SPTAN1: variants seen among roughly 807,000 people sequenced by gnomAD.
SPTAN1 encodes spectrin alpha chain, non-erythrocytic 1.
In SPTAN1, 61 loss-of-function variants were observed where a neutral mutation model predicts 331.3. That is an observed-to-expected ratio of 0.18 (90% confidence interval 0.15 to 0.23). The LOEUF is 0.23. Among genes scored for constraint, SPTAN1 ranks in the 10% least tolerant of loss-of-function variants. The probability of loss-of-function intolerance (pLI) is 1.00; values close to 1 mark genes in which losing one functional copy is unlikely to be tolerated. For synonymous variants in SPTAN1, 1,153 were observed against 1,173.9 expected, an observed-to-expected ratio of 0.98 and a Z score of 0.36; for missense variants, 2,043 against 3,147.9, an observed-to-expected ratio of 0.65 and a Z score of 8.40.
chr9:128,611,693 A>C, intron 37 of SPTAN1, 21 bp from the exon 38 acceptor site: 1 of 1,613,518 alleles, frequency 6.2e-7, no homozygotes, highest in Non-Finnish European at 8.5e-7. Context: ...GGTTTGGAAA[A>C]AATTTTTTTG....
At chr9:128,605,209 G>A in intron 30 of SPTAN1, 31 bp downstream of exon 30, 2 of 1,614,076 alleles carry the variant, frequency 1.2e-6, no homozygotes, top group Non-Finnish European at 8.5e-7. Context: ...CTTCTGTCTG[G>A]CATTTTTGCC....
chr9:128,567,276 T>G (rs1564195053), intron 2 of SPTAN1, among the ~76,000 whole-genome samples: 3 of 152,054 alleles, frequency 2.0e-5, no homozygotes, highest in African/African-American at 7.2e-5. Flanking sequence ...GGAATGAGGT[T>G]TTTTGTTTTG....
intron 24 of SPTAN1, among the ~76,000 whole-genome samples, chr9:128,597,161 T>G (rs538666272): frequency 6.6e-6 from 1 of 151,918 alleles, no homozygotes; most frequent in South Asian, 2.1e-4. Context: ...CTGAGTCTCA[T>G]TAGAGAAAAA....
At chr9:128,591,654 C>CT in intron 22 of SPTAN1, 29 bp downstream of exon 22, 1 of 1,612,718 alleles carries the variant, frequency 6.2e-7, no homozygotes, top group Non-Finnish European at 8.5e-7. Context: ...GCCGCAAGGG[C>CT]TAGGCGTCCC....
At chr9:128,607,565 G>A (rs1856052581) in intron 31 of SPTAN1, 39 bp from the exon 32 acceptor site, 2 of 1,519,864 alleles carry the variant, frequency 1.3e-6, no homozygotes, top group African/African-American at 1.4e-5. Context: ...TCCTTACCAG[G>A]TAATATAATA....
At position 128,625,016 on chromosome 9, in the gene SPTAN1, A is replaced by T. The variant is rs1858521087; in HGVS notation, c.5993-87A>T. On this transcript the variant is annotated intron_variant, in intron 46 of 56. Transcript: ENST00000372739. The surrounding 1 kb of genome is among the most constrained non-coding windows in gnomAD (Gnocchi z 4.1). ...AGATTGGGATTTATCTGTACACAAA[A>T]AATGGTTTGTCTGGGTTTTGATGTT... 1.5e-6 allele frequency: 2 copies of T among 1,299,822 alleles called. No homozygotes were observed. Among genetic ancestry groups the T allele is most frequent in the Non-Finnish European group, 2.2e-6 (2 of 895,852 alleles). 80.5% of individuals were successfully genotyped at this position (1,299,822 alleles called of 1,614,324 possible). A position where few individuals can be genotyped will look rare whatever the true frequency, so the allele number is the denominator to read the frequency against.
At chr9:128,628,345 A>T (rs1189288006) in intron 51 of SPTAN1, 1 of 377,134 alleles carries the variant, frequency 2.7e-6, no homozygotes, top group East Asian at 6.8e-5. Context: ...CATGAAGCAG[A>T]TGGCAGTGCT....
rs375244012 is a variant in SPTAN1 at position 128,613,360 on chromosome 9, T to C, written c.5044-21T>C. 17 of 1,605,290 alleles carry C rather than the reference T, an allele frequency of 1.1e-5. No homozygotes were observed. In the African/African-American group the frequency reaches 2.1e-4, roughly 20 times the overall value. On this transcript the variant is annotated intron_variant, in intron 39 of 56. Coordinates refer to ENST00000372739, the MANE Select transcript of SPTAN1 (RefSeq NM_001130438.3). ...GTATACACCACACAGTAGCCTTTGC[T>C]TTTTGTGTTTTCATTGCCAGGTGGA...
At position 128,607,869 on chromosome 9, in the gene SPTAN1, C is replaced by A; in HGVS notation, c.4164C>A (p.Ile1388=). Residue 1388 remains isoleucine (I), a synonymous_variant, in exon 33 of 57, where the codon ATC becomes ATA. Transcript: ENST00000372739. The stretch of plus-strand genomic sequence containing the variant: ...TTTGGCAGGAACACCGGACAGAAAT[C>A]GATGCCAGGGCTGGCACTTTCCAGG... ...LERHQEHRTE[I]DARAGTFQAF... 1 of 1,613,960 alleles carries A rather than the reference C, an allele frequency of 6.2e-7. No homozygotes were observed. Among genetic ancestry groups the A allele is most frequent in the South Asian group, 1.1e-5 (1 of 91,042 alleles).
chr9:128,617,787 G>A (rs755632323), intron 42 of SPTAN1, 27 bp downstream of exon 42: 2 of 1,613,300 alleles, frequency 1.2e-6, no homozygotes, highest in Admixed American at 1.7e-5. Context: ...CTGGCCAAGA[G>A]GGCAGAGGTG....
chr9:128,622,910 GC>G (rs1450602445), intron 45 of SPTAN1, among the ~76,000 whole-genome samples: 1 of 150,944 alleles, frequency 6.6e-6, no homozygotes, highest in Non-Finnish European at 1.5e-5. Flanking sequence ...CTGCCACCAC[GC>G]CCAGCTAATT....
chr9:128,618,183 GGTCCAGTGGGC>G (rs1191803162), intron 43 of SPTAN1, 75 bp downstream of exon 43: 1 of 1,597,522 alleles, frequency 6.3e-7, no homozygotes, highest in Non-Finnish European at 8.5e-7. Flanking sequence ...GAGCTGTGGG[GGTCCAGTGGGC>G]CCTCCTACTG....
intron 21 of SPTAN1, among the ~76,000 whole-genome samples, chr9:128,589,859 G>C (rs1853239179): frequency 6.6e-6 from 1 of 152,206 alleles, no homozygotes; most frequent in Non-Finnish European, 1.5e-5. Flanking sequence ...ACAGGCATGA[G>C]CCACCGCGCC....
At chr9:128,576,368 C>A (rs1261586318) in intron 5 of SPTAN1, among the ~76,000 whole-genome samples, 1 of 151,462 alleles carries the variant, frequency 6.6e-6, no homozygotes, top group Non-Finnish European at 1.5e-5. Flanking sequence ...GACCCTGTCT[C>A]AAAAAAGAAA....
At chr9:128,567,060 A>T in intron 2 of SPTAN1, 83 bp downstream of exon 2, 1 of 1,582,726 alleles carries the variant, frequency 6.3e-7, no homozygotes, top group Non-Finnish European at 8.6e-7. Context: ...AAAGTTACTT[A>T]ATTATGACCT....
intron 48 of SPTAN1, 49 bp from the exon 49 acceptor site, chr9:128,626,342 G>T: frequency 6.2e-7 from 1 of 1,606,524 alleles, no homozygotes; most frequent in Non-Finnish European, 8.5e-7. Flanking sequence ...CACTGCGTCG[G>T]CACGTCCAGC....
chr9:128,612,132 C>T lies in SPTAN1; in HGVS notation c.4929C>T (p.Asp1643=), dbSNP rs1379977913. 6.2e-7 allele frequency: 1 copy of T among 1,614,120 alleles called. No homozygotes were observed. The highest frequency in any genetic ancestry group is 8.5e-7 in the Non-Finnish European group (1 of 1,180,036). ...AGGCCCGCCTGGCTGCCTTAGCTGA[C>T]CAGTGGCAGTTCTTGGTGCAAAAGT... The part of the protein sequence containing the change: ...AVKARLAALA[D]QWQFLVQKSA... Residue 1643 remains aspartate (D), a synonymous_variant, in exon 39 of 57, where the codon GAC becomes GAT. Transcript: ENST00000372739.
intron 12 of SPTAN1, among the ~76,000 whole-genome samples, chr9:128,582,222 C>T (rs949612726): frequency 6.6e-6 from 1 of 152,090 alleles, no homozygotes; most frequent in Admixed American, 6.5e-5. Context: ...GTGTTTGACC[C>T]CTGCCAGGAG....
chr9:128,605,047 A>T lies in SPTAN1; in HGVS notation c.3733A>T (p.Thr1245Ser). The T allele has an allele frequency of 6.2e-7, 1 of 1,614,098 alleles. No homozygotes were observed. The highest frequency in any genetic ancestry group is 1.1e-5 in the South Asian group (1 of 91,076). The change falls in exon 30 of 57, where the codon ACC becomes TCC. Residue 1245 changes from threonine to serine, a missense_variant. By Grantham distance (58) the Thr-to-Ser change is moderately conservative. Coordinates refer to ENST00000372739, the MANE Select transcript of SPTAN1 (RefSeq NM_001130438.3). ...VQRFHRDADE[T>S]KEWIEEKNQA... Reference sequence around the variant, plus strand: ...TCTCGCCTTTAGAGATGCTGATGAAACCAAAGAATGGATTGAAGAGAAGAA... The same window carrying T: ...TCTCGCCTTTAGAGATGCTGATGAATCCAAAGAATGGATTGAAGAGAAGAA...
Sources: allele counts gnomAD v4.1 joint callset (sites outside exome capture counted in the v4.1 genomes callset), GRCh38; gene constraint gnomAD v4.1.1; non-coding constraint Gnocchi (gnomAD v3.1); transcripts MANE v1.5; gene names NCBI Gene and HGNC (gene_info 2026-07-23, HGNC 2026-07-21).